SPTBN1: variants seen among roughly 807,000 people sequenced by gnomAD.
SPTBN1 encodes the protein spectrin beta, non-erythrocytic 1.
SPTBN1 carries 32 observed loss-of-function variants against 266.4 expected under a neutral mutation model. The observed-to-expected ratio is 0.12, with a 90% CI of 0.09 to 0.16. The LOEUF (loss-of-function observed/expected upper bound fraction) is 0.16, where lower values mean the gene tolerates loss of function less well. Ranked by LOEUF, SPTBN1 falls within the 10% of genes least tolerant of loss-of-function variation. The pLI, the probability that SPTBN1 is intolerant of heterozygous loss-of-function variation, is 1.00. For synonymous variants in SPTBN1, 1,336 were observed against 1,162.2 expected (o/e 1.15, Z -3.04); for missense variants, 2,296 against 3,067.1 (o/e 0.75, Z 5.94).
intron 1 of SPTBN1, among the ~76,000 whole-genome samples, chr2:54,493,001 C>CTTTTT (rs70944171): frequency 1.7e-4 from 19 of 112,896 alleles, no homozygotes; most frequent in African/African-American, 2.7e-4. Flanking sequence ...AATAACATAT[C>CTTTTT]TTTTTTTTTT....
In SPTBN1 at chr2:54,529,150, C is replaced by T. The variant is rs142265861; in HGVS notation, c.148+2584C>T. 3.9e-5 allele frequency among the ~76,000 whole-genome samples: 6 copies of T among 152,310 alleles called. No homozygotes were observed. In the East Asian group the frequency reaches 1.2e-3, roughly 29 times the overall value. ...GTAGGCCTTGAGTGGGGATAATTTA[C>T]ATATCCAACAGGCCAGGTGATGCCC... On this transcript the variant is annotated intron_variant, in intron 2 of 35. Coordinates refer to ENST00000356805, the MANE Select transcript of SPTBN1 (RefSeq NM_003128.3).
At chr2:54,465,344 C>G (rs1693572081) in intron 1 of SPTBN1, among the ~76,000 whole-genome samples, 2 of 152,086 alleles carry the variant, frequency 1.3e-5, no homozygotes, top group African/African-American at 4.8e-5. Context: ...CATGTTCTCA[C>G]TCGTGGAAAC....
intron 7 of SPTBN1, among the ~76,000 whole-genome samples, chr2:54,619,705 A>G (rs553055633): frequency 2.6e-5 from 4 of 152,190 alleles, no homozygotes; most frequent in Admixed American, 6.5e-5. Context: ...GTATACCTAC[A>G]CTGGCATTTT....
chr2:54,499,983 C>G (rs908867727), intron 1 of SPTBN1, among the ~76,000 whole-genome samples: 17 of 152,150 alleles, frequency 1.1e-4, no homozygotes, highest in African/African-American at 4.1e-4. Flanking sequence ...GAAATGTAAT[C>G]AGTATTTTTG....
chr2:54,505,348 G>A (rs1219799336), intron 1 of SPTBN1, among the ~76,000 whole-genome samples: 1 of 152,150 alleles, frequency 6.6e-6, no homozygotes, highest in African/African-American at 2.4e-5. Context: ...TATACTTTCA[G>A]GCAAGATGGT....
At chr2:54,475,091 A>C (rs1667756413) in intron 1 of SPTBN1, among the ~76,000 whole-genome samples, 1 of 152,208 alleles carries the variant, frequency 6.6e-6, no homozygotes, top group Non-Finnish European at 1.5e-5. Flanking sequence ...CTATAATCCC[A>C]GCTACTCAGG....
At chr2:54,518,228 C>T (rs1670223407) in intron 1 of SPTBN1, among the ~76,000 whole-genome samples, 1 of 151,712 alleles carries the variant, frequency 6.6e-6, no homozygotes, top group African/African-American at 2.4e-5. Context: ...CTTGCATGTT[C>T]TCACTCATAG....
chr2:54,564,465 C>T (rs1673537251), intron 2 of SPTBN1, among the ~76,000 whole-genome samples: 1 of 152,146 alleles, frequency 6.6e-6, no homozygotes. Flanking sequence ...ATGCAGTTAT[C>T]CCAGTCTCCC....
chr2:54,655,979 A>T lies in SPTBN1; in HGVS notation c.6027A>T (p.Arg2009=). Residue 2009 remains arginine (R), a synonymous_variant, in exon 29 of 36, where the codon CGA becomes CGT. Coordinates refer to ENST00000356805, the MANE Select transcript of SPTBN1 (RefSeq NM_003128.3). ...AAATGATCGACAAGTGGGAAGACCGATGGGAATGGTTAAGACTGAGTAAGG... is the reference window on the plus strand; with the variant it reads ...AAATGATCGACAAGTGGGAAGACCGTTGGGAATGGTTAAGACTGAGTAAGG... The part of the protein sequence containing the change: ...RKEMIDKWED[R]WEWLRLILEV... The T allele has an allele frequency of 1.2e-6, 2 of 1,613,294 alleles. No individual in the cohort carries two copies. Among genetic ancestry groups the T allele is most frequent in the African/African-American group, 1.3e-5 (1 of 75,050 alleles).
At chr2:54,606,753 C>T (rs1053750142) in intron 3 of SPTBN1, among the ~76,000 whole-genome samples, 4 of 152,174 alleles carry the variant, frequency 2.6e-5, no homozygotes, top group Admixed American at 2.0e-4. Context: ...GCTGCTCCAC[C>T]CACCTCTTCT....
At chr2:54,600,524 A>G (rs1205220741) in intron 3 of SPTBN1, among the ~76,000 whole-genome samples, 2 of 152,168 alleles carry the variant, frequency 1.3e-5, no homozygotes, top group Admixed American at 1.3e-4. Context: ...GAGTGGACCC[A>G]CATGGGGAGT....
intron 1 of SPTBN1, among the ~76,000 whole-genome samples, chr2:54,489,771 C>G (rs1304201095): frequency 2.3e-4 from 35 of 152,146 alleles, no homozygotes; most frequent in Admixed American, 2.3e-3. Flanking sequence ...AGAGCTTTTA[C>G]AAAGAGCGTG....
chr2:54,643,286 T>C (rs982849812), intron 19 of SPTBN1, among the ~76,000 whole-genome samples, 157 bp downstream of exon 19: 1 of 152,200 alleles, frequency 6.6e-6, no homozygotes, highest in African/African-American at 2.4e-5. Context: ...TACGGGTTCC[T>C]GACTTCAACC....
intron 2 of SPTBN1, among the ~76,000 whole-genome samples, chr2:54,577,659 A>G (rs1423317097): frequency 6.6e-6 from 1 of 152,100 alleles, no homozygotes; most frequent in Non-Finnish European, 1.5e-5. Flanking sequence ...TGTTATTTCC[A>G]TTTTGAAGAT....
At chr2:54,544,329 C>T (rs1672112049) in intron 2 of SPTBN1, among the ~76,000 whole-genome samples, 1 of 152,134 alleles carries the variant, frequency 6.6e-6, no homozygotes. Flanking sequence ...GCTCTGAATA[C>T]TCTTTAATTA....
At chr2:54,604,692 G>A (rs953526266) in intron 3 of SPTBN1, among the ~76,000 whole-genome samples, 2 of 152,180 alleles carry the variant, frequency 1.3e-5, no homozygotes, top group African/African-American at 2.4e-5. Flanking sequence ...GTTTTAGAGC[G>A]AGAAAGAAGA....
chr2:54,589,723 G>A (rs1675543672), intron 2 of SPTBN1, among the ~76,000 whole-genome samples: 1 of 152,192 alleles, frequency 6.6e-6, no homozygotes, highest in South Asian at 2.1e-4. Flanking sequence ...TTTCCTTCCT[G>A]TTGCTGCCTC....
rs1678719065 is a variant in SPTBN1 at position 54,631,335 on chromosome 2, G to T, written c.3288G>T (p.Glu1096Asp). The T allele has an allele frequency of 1.2e-6, 2 of 1,614,152 alleles. No individual in the cohort carries two copies. Among genetic ancestry groups the T allele is most frequent in the Non-Finnish European group, 1.7e-6 (2 of 1,180,062 alleles). Residue 1096 changes from glutamate (E) to aspartate (D), a missense_variant, in exon 16 of 36, where the codon GAG (glutamate) becomes GAT (aspartate). This residue lies in a region of SPTBN1 where 386 missense variants were observed against 486.1 expected (regional missense o/e 0.79). Coordinates refer to ENST00000356805, the MANE Select transcript of SPTBN1 (RefSeq NM_003128.3). ...ASEDMPNTLT[E>D]AEKLLTQHEN... ...AGGACATGCCAAACACCCTGACCGA[G>T]GCTGAGAAGCTGCTCACGCAGCACG... is the stretch of plus-strand genomic sequence containing the variant.
At chr2:54,485,914 C>G (rs557431980) in intron 1 of SPTBN1, among the ~76,000 whole-genome samples, 1 of 149,300 alleles carries the variant, frequency 6.7e-6, no homozygotes, top group Admixed American at 6.6e-5. Flanking sequence ...CGTCTCTGCC[C>G]GGCCGCCCCG....
Sources: gnomAD v4.1 joint callset for allele counts (sites outside exome capture counted in the v4.1 genomes callset) on GRCh38, gnomAD v4.1.1 for gene constraint, gnomAD v4.1.1 regional missense constraint, MANE v1.5 for transcripts, NCBI Gene and HGNC (gene_info 2026-07-23, HGNC 2026-07-21) for gene names.